The following PLCB4 variants were observed in gnomAD, a reference collection of about 807,000 sequenced individuals.
PLCB4 encodes 1-phosphatidylinositol 4,5-bisphosphate phosphodiesterase beta-4.
PLCB4 carries 77 observed loss-of-function variants against 178.8 expected under a neutral mutation model. That is an observed-to-expected ratio of 0.43 (90% confidence interval 0.36 to 0.52). The LOEUF is 0.52. Among genes scored for constraint, PLCB4 ranks in the 20% least tolerant of loss-of-function variants. PLCB4 has a pLI of 0.00. For synonymous variants in PLCB4, 496 were observed against 490.8 expected, an observed-to-expected ratio of 1.01 and a Z score of -0.14; for missense variants, 1,024 against 1,453.4, an observed-to-expected ratio of 0.70 and a Z score of 4.80.
intron 3 of PLCB4, among the ~76,000 whole-genome samples, chr20:9,297,445 A>T (rs1202832665): frequency 1.3e-5 from 2 of 152,016 alleles, no homozygotes; most frequent in South Asian, 4.2e-4. Context: ...TGGGTGCACA[A>T]AATCTCAGTA....
At chr20:9,150,488 T>G (rs1223749134) in intron 2 of PLCB4, among the ~76,000 whole-genome samples, 1 of 152,216 alleles carries the variant, frequency 6.6e-6, no homozygotes, top group African/African-American at 2.4e-5. Flanking sequence ...CCATAGGTTC[T>G]TGTATCTTTA....
intron 1 of PLCB4, among the ~76,000 whole-genome samples, chr20:9,086,016 A>T (rs1340420237): frequency 6.6e-6 from 1 of 151,924 alleles, no homozygotes; most frequent in Admixed American, 6.6e-5. Flanking sequence ...ATATGTTTAA[A>T]CTCTTTTTTT....
At chr20:9,094,671 A>G (rs1367817598) in intron 1 of PLCB4, among the ~76,000 whole-genome samples, 1 of 152,188 alleles carries the variant, frequency 6.6e-6, no homozygotes, top group Non-Finnish European at 1.5e-5. Context: ...CCTCAACTGG[A>G]TTGTTTTGAA....
intron 3 of PLCB4, among the ~76,000 whole-genome samples, chr20:9,221,106 T>TG (rs2093793208): frequency 6.6e-6 from 1 of 150,676 alleles, no homozygotes; most frequent in Non-Finnish European, 1.5e-5. Flanking sequence ...AACTAGTGAG[T>TG]GGGGGAAGGG....
At chr20:9,204,133 GA>G (rs200808511) in intron 2 of PLCB4, among the ~76,000 whole-genome samples, 21 of 147,072 alleles carry the variant, frequency 1.4e-4, no homozygotes, top group Admixed American at 5.4e-4. Flanking sequence ...GCAAAGAGAA[GA>G]AAAAAAAACA....
At chr20:9,250,513 G>A (rs1006576156) in intron 3 of PLCB4, among the ~76,000 whole-genome samples, 2 of 152,228 alleles carry the variant, frequency 1.3e-5, no homozygotes, top group African/African-American at 2.4e-5. Context: ...TGATGCATTT[G>A]TATAGTTCTA....
In PLCB4 at chr20:9,395,419, A is replaced by G. The variant is rs545877561; in HGVS notation, c.1415-104A>G. The G allele has an allele frequency of 1.6e-4, 120 of 757,844 alleles. No homozygotes were observed. In the Middle Eastern group the frequency reaches 7.8e-3, roughly 50 times the overall value. 46.9% of individuals were successfully genotyped at this position (757,844 alleles called of 1,614,324 possible). A position where few individuals can be genotyped will look rare whatever the true frequency, so the allele number is the denominator to read the frequency against. On this transcript the variant is annotated intron_variant, in intron 18 of 39. Transcript: ENST00000378473. ...TGGTGCCTTGGTGCCTGAACATTCT[A>G]TTTCTTCTCTCTTTTCACGTCCTCC...
chr20:9,099,698 C>A (rs1317522292), intron 2 of PLCB4, among the ~76,000 whole-genome samples: 1 of 152,038 alleles, frequency 6.6e-6, no homozygotes, highest in Non-Finnish European at 1.5e-5. Context: ...GGGGTCCTGG[C>A]ATGGAATGGA....
intron 12 of PLCB4, among the ~76,000 whole-genome samples, chr20:9,375,164 G>A (rs1036588917): frequency 2.0e-5 from 3 of 152,002 alleles, no homozygotes; most frequent in African/African-American, 4.8e-5. Flanking sequence ...CATGAATGTC[G>A]GCTTGAAGAA....
chr20:9,381,862 C>T (rs994361040), intron 13 of PLCB4, among the ~76,000 whole-genome samples: 1 of 152,146 alleles, frequency 6.6e-6, no homozygotes, highest in Admixed American at 6.5e-5. Flanking sequence ...ATCTATTTCC[C>T]AAACTCTGGA....
intron 2 of PLCB4, among the ~76,000 whole-genome samples, chr20:9,130,251 T>C (rs2092238412): frequency 6.6e-6 from 1 of 152,144 alleles, no homozygotes; most frequent in Non-Finnish European, 1.5e-5. Context: ...ACACCAACCT[T>C]ATTTAAGGCA....
intron 12 of PLCB4, among the ~76,000 whole-genome samples, chr20:9,377,802 A>G (rs555081643): frequency 1.3e-5 from 2 of 152,316 alleles, no homozygotes; most frequent in African/African-American, 2.4e-5. Flanking sequence ...ACATGCTTCT[A>G]TCCTTGTGAG....
chr20:9,158,531 A>C (rs1184728798), intron 2 of PLCB4, among the ~76,000 whole-genome samples: 1 of 150,844 alleles, frequency 6.6e-6, no homozygotes, highest in Admixed American at 6.6e-5. Flanking sequence ...GGCCTCCCAA[A>C]GTGCTGGGAT....
At chr20:9,344,789 T>C (rs1218185052) in intron 7 of PLCB4, among the ~76,000 whole-genome samples, 1 of 152,182 alleles carries the variant, frequency 6.6e-6, no homozygotes, top group African/African-American at 2.4e-5. Context: ...TTGACCCTGG[T>C]GTCCTGGCCT....
intron 7 of PLCB4, among the ~76,000 whole-genome samples, chr20:9,347,651 G>A (rs116742346): frequency 0.013 from 1,931 of 152,238 alleles, 48 homozygotes; most frequent in African/African-American, 0.044. Flanking sequence ...ATTGCACCAT[G>A]TGTCCTTTGA....
At chr20:9,391,535 A>T (rs570118354) in intron 17 of PLCB4, among the ~76,000 whole-genome samples, 4 of 152,328 alleles carry the variant, frequency 2.6e-5, no homozygotes, top group African/African-American at 9.6e-5. Context: ...GGTTCTTTTC[A>T]GAAGTGTGTC....
chr20:9,199,465 A>G (rs1055516268), intron 2 of PLCB4, among the ~76,000 whole-genome samples: 3 of 152,166 alleles, frequency 2.0e-5, no homozygotes, highest in Non-Finnish European at 2.9e-5. Flanking sequence ...GGCTTTTTCA[A>G]TGTTCCCATC....
At chr20:9,237,095 T>C (rs1050146422) in intron 3 of PLCB4, among the ~76,000 whole-genome samples, 1 of 152,208 alleles carries the variant, frequency 6.6e-6, no homozygotes, top group African/African-American at 2.4e-5. Context: ...AAGACGGCTT[T>C]TCTGTATTAT....
intron 38 of PLCB4, among the ~76,000 whole-genome samples, chr20:9,476,333 T>C (rs887147931): frequency 1.3e-5 from 2 of 152,226 alleles, no homozygotes; most frequent in Non-Finnish European, 2.9e-5. Flanking sequence ...TCATCTGTCT[T>C]GACATGTACC....
Sources: allele counts gnomAD v4.1 joint callset (sites outside exome capture counted in the v4.1 genomes callset), GRCh38; gene constraint gnomAD v4.1.1; transcripts MANE v1.5; gene names NCBI Gene and HGNC (gene_info 2026-07-23, HGNC 2026-07-21).